The following PTPRN2 variants were observed in gnomAD, a reference collection of about 807,000 sequenced individuals.
PTPRN2 encodes protein tyrosine phosphatase receptor type N2.
In PTPRN2, 74 loss-of-function variants were observed where a neutral mutation model predicts 118.8. The ratio of observed to expected loss-of-function variants is 0.62; its 90% CI spans 0.52 to 0.76. The LOEUF is 0.76. Ranked by LOEUF, PTPRN2 falls within the 30% of genes least tolerant of loss-of-function variation. The pLI is 0.00. For missense variants in PTPRN2, 1,481 were observed against 1,394.4 expected (o/e 1.06, Z -0.99); for synonymous variants, 641 against 608.0 (o/e 1.05, Z -0.80).
chr7:158,071,836 G>T (rs983577225), intron 11 of PTPRN2, among the ~76,000 whole-genome samples: 1 of 56,604 alleles, frequency 1.8e-5, no homozygotes, highest in Non-Finnish European at 3.4e-5. Flanking sequence ...TGCCCGTGGT[G>T]GAGGTGCTCG....
At chr7:157,556,844 C>T (rs1798917245) in intron 21 of PTPRN2, among the ~76,000 whole-genome samples, 1 of 144,510 alleles carries the variant, frequency 6.9e-6, no homozygotes, top group South Asian at 2.2e-4. Flanking sequence ...ATACACACAG[C>T]CATGCACACA....
chr7:158,527,724 C>T (rs1005201409), intron 1 of PTPRN2, among the ~76,000 whole-genome samples: 5 of 152,268 alleles, frequency 3.3e-5, no homozygotes, highest in African/African-American at 1.2e-4. Context: ...GCTGGCCATT[C>T]CCTCACCGTG....
chr7:157,576,484 C>G, intron 19 of PTPRN2, 129 bp downstream of exon 19: 1 of 984,598 alleles, frequency 1.0e-6, no homozygotes, highest in Non-Finnish European at 1.4e-6. Flanking sequence ...GCTTCCCTTC[C>G]CCTCCCCCCT....
intron 11 of PTPRN2, among the ~76,000 whole-genome samples, chr7:158,033,822 T>C (rs1807879283): frequency 6.8e-6 from 1 of 146,662 alleles, no homozygotes; most frequent in Non-Finnish European, 1.5e-5. Flanking sequence ...GAGACCTCGA[T>C]AGAAACTGCA....
intron 12 of PTPRN2, among the ~76,000 whole-genome samples, chr7:157,751,116 C>T (rs771465978): frequency 2.0e-5 from 3 of 152,198 alleles, no homozygotes; most frequent in East Asian, 1.9e-4. Flanking sequence ...AGGCTCCCGA[C>T]GCCCAGTAGT....
At chr7:158,338,283 A>G (rs62481688) in intron 2 of PTPRN2, among the ~76,000 whole-genome samples, 40,198 of 47,394 alleles carry the variant, frequency 0.85, 18,938 homozygotes, top group Middle Eastern at 0.9. Flanking sequence ...AAGCGCTGAC[A>G]CCTGCTGACG....
rs1823076656 is a variant in PTPRN2, at chr7:158,167,004, C to G, written c.837G>C (p.Leu279Phe). 1 of 1,470,592 alleles carries G rather than the reference C, an allele frequency of 6.8e-7. No individual in the cohort carries two copies. Among genetic ancestry groups the G allele is most frequent in the Non-Finnish European group, 9.0e-7 (1 of 1,106,938 alleles). The allele number at this position is 1,470,592 out of a possible 1,614,324, so 91.1% of individuals were successfully genotyped here. ...ACTTCTGGGGGGCGGCTGGTGCCAG[C>G]AAAGGCCTGGGCATTCTTGAGGGTG... Reference protein sequence around the residue: ...LRAPSRMPRPLLAPAAPQKWP... With the variant: ...LRAPSRMPRPFLAPAAPQKWP... The change falls in exon 6 of 23, where the codon TTG becomes TTC. Residue 279 changes from leucine to phenylalanine, a missense_variant. Coordinates refer to ENST00000389418, the MANE Select transcript of PTPRN2 (RefSeq NM_002847.5).
intron 2 of PTPRN2, among the ~76,000 whole-genome samples, chr7:158,368,134 A>G (rs1809674233): frequency 6.6e-6 from 1 of 152,206 alleles, no homozygotes; most frequent in Non-Finnish European, 1.5e-5. Context: ...TAAGTCAGAG[A>G]ATTTGTCCTG....
At chr7:157,730,391 G>C (rs1188161199) in intron 12 of PTPRN2, among the ~76,000 whole-genome samples, 1 of 152,238 alleles carries the variant, frequency 6.6e-6, no homozygotes, top group Non-Finnish European at 1.5e-5. Context: ...AAACAGAGGA[G>C]GGTGTCGCAA....
chr7:157,703,583 G>C (rs1039789333), intron 12 of PTPRN2, among the ~76,000 whole-genome samples: 4 of 152,074 alleles, frequency 2.6e-5, no homozygotes, highest in Non-Finnish European at 5.9e-5. Flanking sequence ...AGCCGTCCAG[G>C]AGAGAACCAG....
At chr7:158,071,734 TG>T (rs1433151860) in intron 11 of PTPRN2, among the ~76,000 whole-genome samples, 12 of 132,250 alleles carry the variant, frequency 9.1e-5, no homozygotes, top group Admixed American at 1.5e-4. Flanking sequence ...GTGCTCGTGG[TG>T]GTGGAGGTGC....
rs754626396 is a variant in PTPRN2, at chr7:158,565,764, G to A, written c.112+21794C>T. On this transcript the variant is annotated intron_variant, in intron 1 of 22. Transcript: ENST00000389418. The surrounding 1 kb of genome is among the most constrained non-coding windows in gnomAD (Gnocchi z 4.6). ...AACCCTGGAGGCAGGCACTGTTCCC[G>A]TAGTTACCCGCACGTCTAGAGACTG... Among the ~76,000 whole-genome samples, 2 of 152,158 alleles carry A rather than the reference G, an allele frequency of 1.3e-5. No homozygotes were observed. Among genetic ancestry groups the A allele is most frequent in the African/African-American group, 2.4e-5 (1 of 41,426 alleles).
At chr7:158,489,813 T>C (rs1821311530) in intron 1 of PTPRN2, 28 bp from the exon 2 acceptor site, 3 of 1,557,000 alleles carry the variant, frequency 1.9e-6, no homozygotes, top group Non-Finnish European at 2.6e-6. Flanking sequence ...AGAGACGCGG[T>C]CAGCTGGAGG....
At chr7:158,171,272 T>C (rs1190405220) in intron 5 of PTPRN2, among the ~76,000 whole-genome samples, 9 of 79,482 alleles carry the variant, frequency 1.1e-4, no homozygotes, top group African/African-American at 5.0e-4. Context: ...TACACACATA[T>C]ATACACACAT....
chr7:158,437,252 T>C (rs1816633769), intron 2 of PTPRN2, among the ~76,000 whole-genome samples: 1 of 152,268 alleles, frequency 6.6e-6, no homozygotes, highest in South Asian at 2.1e-4. Context: ...TCTATTGAGT[T>C]ATTAGATTCA....
At chr7:158,539,074 A>G (rs1253504026) in intron 1 of PTPRN2, among the ~76,000 whole-genome samples, 1 of 152,156 alleles carries the variant, frequency 6.6e-6, no homozygotes, top group Non-Finnish European at 1.5e-5. Context: ...TTCAGGGAAA[A>G]GCCATGCCCC....
intron 12 of PTPRN2, among the ~76,000 whole-genome samples, chr7:157,759,832 G>C (rs1802025341): frequency 6.6e-6 from 1 of 152,204 alleles, no homozygotes; most frequent in Admixed American, 6.5e-5. Flanking sequence ...GTGGGGTGCT[G>C]GTGCTTTGGG....
At chr7:157,765,434 TC>T (rs1253189870) in intron 12 of PTPRN2, among the ~76,000 whole-genome samples, 1 of 148,750 alleles carries the variant, frequency 6.7e-6, no homozygotes, top group Non-Finnish European at 1.5e-5. Flanking sequence ...CCATTCTTCC[TC>T]CATCTGTCCA....
rs1563522262 is a variant in PTPRN2, at chr7:158,151,514, T to TGCCTCTCCCTGCCCACAC, written c.911-13000_911-12999insGTGTGGGCAGGGAGAGGC. Among the ~76,000 whole-genome samples, 40 of 146,194 alleles carry TGCCTCTCCCTGCCCACAC rather than the reference T, an allele frequency of 2.7e-4. 2 individuals carry two copies. The highest frequency in any genetic ancestry group is 6.6e-4 in the South Asian group (3 of 4,544). ...CCCACACCGCCCGCCTTTCTGCTCC[T>TGCCTCTCCCTGCCCACAC]CACCGCACGTCCTACTCCAGGCGAT... On this transcript the variant is annotated intron_variant, in intron 6 of 22. Coordinates refer to ENST00000389418, the MANE Select transcript of PTPRN2 (RefSeq NM_002847.5).
Sources: allele counts gnomAD v4.1 joint callset (sites outside exome capture counted in the v4.1 genomes callset), GRCh38; gene constraint gnomAD v4.1.1; non-coding constraint Gnocchi (gnomAD v3.1); transcripts MANE v1.5; gene names NCBI Gene and HGNC (gene_info 2026-07-23, HGNC 2026-07-21).